The following GALK2 variants were observed in gnomAD, a reference collection of about 807,000 sequenced individuals.
The protein encoded by GALK2 is N-acetylgalactosamine kinase.
In GALK2, 36 loss-of-function variants were observed where a neutral mutation model predicts 52.4. The ratio of observed to expected loss-of-function variants is 0.69; its 90% CI spans 0.53 to 0.91. The LOEUF (loss-of-function observed/expected upper bound fraction) is 0.91, where lower values mean the gene tolerates loss of function less well. Among genes scored for constraint, GALK2 ranks in the 40% least tolerant of loss-of-function variants. GALK2 has a pLI of 0.00. For synonymous variants in GALK2, 176 were observed against 199.1 expected (o/e 0.88, Z 0.98); for missense variants, 579 against 559.1 (o/e 1.04, Z -0.36).
At chr15:49,190,087 T>A (rs1193587960) in intron 1 of GALK2, among the ~76,000 whole-genome samples, 1 of 152,192 alleles carries the variant, frequency 6.6e-6, no homozygotes, top group Non-Finnish European at 1.5e-5. Context: ...ATTCCTCAGT[T>A]TGAGTTTTAG....
intron 1 of GALK2, among the ~76,000 whole-genome samples, chr15:49,189,616 G>C (rs1370711934): frequency 6.6e-6 from 1 of 151,948 alleles, no homozygotes; most frequent in Non-Finnish European, 1.5e-5. Flanking sequence ...ATAGGCTTTG[G>C]GGTCATTATT....
intron 5 of GALK2, among the ~76,000 whole-genome samples, chr15:49,274,644 A>G (rs537079970): frequency 1.3e-5 from 2 of 152,358 alleles, no homozygotes; most frequent in South Asian, 4.1e-4. Flanking sequence ...AAAATTAAAA[A>G]AAATTTTTGA....
At chr15:49,210,643 G>T (rs142762770) in intron 2 of GALK2, among the ~76,000 whole-genome samples, 1 of 151,808 alleles carries the variant, frequency 6.6e-6, no homozygotes, top group African/African-American at 2.4e-5. Flanking sequence ...GTTTCACCAC[G>T]AAGGCCAGGC....
chr15:49,361,103 A>C (rs1166930920), intron 3 of GALK2, among the ~76,000 whole-genome samples: 1 of 152,194 alleles, frequency 6.6e-6, no homozygotes, highest in Admixed American at 6.5e-5. Context: ...AAGGTGATGA[A>C]TATGTTAGCT....
intron 5 of GALK2, among the ~76,000 whole-genome samples, chr15:49,258,436 G>A (rs2091910494): frequency 6.6e-6 from 1 of 152,032 alleles, no homozygotes; most frequent in African/African-American, 2.4e-5. Flanking sequence ...AGGAATGGTG[G>A]ATATAAAGAT....
intron 5 of GALK2, among the ~76,000 whole-genome samples, chr15:49,263,775 A>C (rs1237159698): frequency 8.0e-6 from 1 of 124,874 alleles, no homozygotes; most frequent in East Asian, 2.0e-4. Context: ...TTGGTGAGAA[A>C]ATCTCTCAGC....
chr15:49,173,278 C>A (rs921675665), intron 1 of GALK2, among the ~76,000 whole-genome samples: 4 of 152,112 alleles, frequency 2.6e-5, no homozygotes, highest in Admixed American at 6.5e-5. Context: ...AAATAATATT[C>A]TAGCTTATGG....
intron 3 of GALK2, chr15:49,365,493 T>C (rs1468788446): frequency 4.6e-6 from 4 of 860,304 alleles, no homozygotes; most frequent in Non-Finnish European, 8.1e-6. Flanking sequence ...ACACACTCAT[T>C]ACTGAGAAAC....
At chr15:49,345,217 G>T (rs1224398362) in intron 3 of GALK2, among the ~76,000 whole-genome samples, 5 of 152,132 alleles carry the variant, frequency 3.3e-5, no homozygotes, top group Non-Finnish European at 4.4e-5. Flanking sequence ...TTGAAATCAA[G>T]AATTATGTTT....
intron 8 of GALK2, among the ~76,000 whole-genome samples, chr15:49,308,039 A>G (rs1050556619): frequency 6.6e-6 from 1 of 152,234 alleles, no homozygotes; most frequent in East Asian, 1.9e-4. Context: ...AACATTTTTA[A>G]AAAATATTAT....
intron 1 of GALK2, among the ~76,000 whole-genome samples, chr15:49,200,562 G>A (rs2087656380): frequency 6.6e-6 from 1 of 152,206 alleles, no homozygotes; most frequent in Non-Finnish European, 1.5e-5. Context: ...GCAGAGATTA[G>A]AGTAATAAAG....
rs974287626 is a variant in GALK2, at chr15:49,345,813, AG to A, written c.427-21675del. Reference sequence around the variant, plus strand: ...TAATCACAGAATATTAGAGAAACAAAGGGTTTTGGAAATTGTAGGATCCAAT... The same window carrying A: ...TAATCACAGAATATTAGAGAAACAAAGGTTTTGGAAATTGTAGGATCCAAT... On this transcript the variant is annotated intron_variant, in intron 3 of 3. Coordinates refer to the GALK2 transcript ENST00000558399. Among the ~76,000 whole-genome samples the A allele has an allele frequency of 1.1e-4, 17 of 152,258 alleles. No individual in the cohort carries two copies. The East Asian group carries it at 1.9e-3, about 17-fold the overall frequency.
intron 5 of GALK2, among the ~76,000 whole-genome samples, chr15:49,278,379 T>C (rs1052797014): frequency 6.6e-6 from 1 of 152,260 alleles, no homozygotes; most frequent in African/African-American, 2.4e-5. Context: ...CTTTAAATTC[T>C]CTTTCCCTGA....
intron 2 of GALK2, 76 bp from the exon 3 acceptor site, chr15:49,217,114 C>T: frequency 7.5e-7 from 1 of 1,335,036 alleles, no homozygotes; most frequent in Non-Finnish European, 1.0e-6. Context: ...TCAGTTTTTT[C>T]CTGTATGTAA....
At chr15:49,367,228 GTTTGT>G (rs958885875) in intron 3 of GALK2, among the ~76,000 whole-genome samples, 17 of 152,184 alleles carry the variant, frequency 1.1e-4, no homozygotes, top group African/African-American at 3.9e-4. Context: ...TTGGGTTAAT[GTTTGT>G]TTTATTTTTC....
At chr15:49,346,529 A>G (rs1312524505) in intron 3 of GALK2, among the ~76,000 whole-genome samples, 6 of 152,130 alleles carry the variant, frequency 3.9e-5, no homozygotes, top group Admixed American at 2.6e-4. Flanking sequence ...TTGCCAATAA[A>G]TCTTTTCTCT....
At chr15:49,188,996 T>A (rs2086546231) in intron 1 of GALK2, among the ~76,000 whole-genome samples, 1 of 152,198 alleles carries the variant, frequency 6.6e-6, no homozygotes, top group South Asian at 2.1e-4. Flanking sequence ...CTTTTTCTTG[T>A]AAGGGTTAAA....
chr15:49,361,624 C>T (rs192314439), intron 3 of GALK2, among the ~76,000 whole-genome samples: 2 of 152,224 alleles, frequency 1.3e-5, no homozygotes, highest in African/African-American at 4.8e-5. Flanking sequence ...ATATGTACCA[C>T]GTTTTCTTTA....
Position 49,329,496 on chromosome 15 carries a change from AT to A in GALK2, c.*1340del. Reference sequence around the variant, plus strand: ...CACAGATTGGGCATCACCATCTAGAATTTCAGTTTAAGGGAGGCCTGCGCAA... The same window carrying A: ...CACAGATTGGGCATCACCATCTAGAATTCAGTTTAAGGGAGGCCTGCGCAA... On this transcript the variant is annotated 3_prime_UTR_variant, in exon 10 of 10. Coordinates refer to ENST00000560031, the MANE Select transcript of GALK2 (RefSeq NM_002044.4). 5 of 985,362 alleles carry A rather than the reference AT, an allele frequency of 5.1e-6. No homozygotes were observed. Among genetic ancestry groups the A allele is most frequent in the Non-Finnish European group, 6.0e-6 (5 of 829,884 alleles). 61.0% of individuals were successfully genotyped at this position (985,362 alleles called of 1,614,324 possible). A position where few individuals can be genotyped will look rare whatever the true frequency, so the allele number is the denominator to read the frequency against.
Sources: gnomAD v4.1 joint callset for allele counts (sites outside exome capture counted in the v4.1 genomes callset) on GRCh38, gnomAD v4.1.1 for gene constraint, MANE v1.5 for transcripts, NCBI Gene and HGNC (gene_info 2026-07-23, HGNC 2026-07-21) for gene names.